OSGIN2: variants seen among roughly 807,000 people sequenced by gnomAD.
The protein encoded by OSGIN2 is oxidative stress induced growth inhibitor family member 2.
A neutral mutation model predicts 53.8 loss-of-function variants in OSGIN2; 19 were observed. The ratio of observed to expected loss-of-function variants is 0.35; its 90% CI spans 0.25 to 0.52. The LOEUF (loss-of-function observed/expected upper bound fraction) is 0.52. Ranked by LOEUF, OSGIN2 falls within the 20% of genes least tolerant of loss-of-function variation. OSGIN2 has a pLI of 0.95. For synonymous variants in OSGIN2, 236 were observed against 236.0 expected, an observed-to-expected ratio of 1.00 and a Z score of 0.00; for missense variants, 520 against 662.7, an observed-to-expected ratio of 0.78 and a Z score of 2.36.
At chr8:89,910,008 ATAT>A (rs1481599471) in intron 2 of OSGIN2, among the ~76,000 whole-genome samples, 6 of 152,114 alleles carry the variant, frequency 3.9e-5, no homozygotes, top group African/African-American at 7.2e-5. Flanking sequence ...TAATGTGATA[ATAT>A]TATTAGAGCT....
At position 89,925,418 on chromosome 8, in the gene OSGIN2, C is replaced by G. The variant is rs754120787; in HGVS notation, c.1536C>G (p.Asp512Glu). ...NLFALGPLVG[D>E]NFVRFLKGGA... is the part of the protein sequence containing the mutation. ...TTGCATTGGGTCCTTTGGTTGGAGA[C>G]AATTTTGTTCGATTTTTAAAGGGAG... Residue 512 changes from aspartate (D) to glutamate (E), a missense_variant, in exon 6 of 6, where the codon GAC (aspartate) becomes GAG (glutamate). Coordinates refer to ENST00000451899, the MANE Select transcript of OSGIN2 (RefSeq NM_001126111.3). The G allele has an allele frequency of 6.2e-7, 1 of 1,613,960 alleles. No individual in the cohort carries two copies. Among genetic ancestry groups the G allele is most frequent in the Non-Finnish European group, 8.5e-7 (1 of 1,179,952 alleles).
At chr8:89,902,055 G>C (rs1263280893), upstream of OSGIN2, 3 of 152,300 alleles carry the variant, frequency 2.0e-5, no homozygotes, top group South Asian at 2.1e-4. Flanking sequence ...ACTGTGATGC[G>C]GGGGTCAGCG....
At chr8:89,907,536 T>C (rs1368332932) in intron 1 of OSGIN2, among the ~76,000 whole-genome samples, 1 of 152,250 alleles carries the variant, frequency 6.6e-6, no homozygotes, top group Non-Finnish European at 1.5e-5. Context: ...TCCCCATTGC[T>C]TATTTTTGTC....
chr8:89,923,078 G>A (rs1361887884), intron 5 of OSGIN2, among the ~76,000 whole-genome samples: 1 of 152,190 alleles, frequency 6.6e-6, no homozygotes, highest in Non-Finnish European at 1.5e-5. Context: ...GCTGGAAGCT[G>A]CTTTGGATGA....
At chr8:89,914,344 C>G in intron 3 of OSGIN2, 131 bp downstream of exon 3, 3 of 704,544 alleles carry the variant, frequency 4.3e-6, no homozygotes, top group Non-Finnish European at 6.9e-6. Context: ...ATTTTAGATT[C>G]GTAAATGTAT....
rs1369240279 is a variant in OSGIN2 at position 89,924,925 on chromosome 8, T to C, written c.1043T>C (p.Val348Ala). The C allele has an allele frequency of 1.2e-6, 2 of 1,614,132 alleles. No homozygotes were observed. Reference sequence around the variant, plus strand: ...AAGTTGCGTGGCAAAGTGGATCCAGTGTTAATTGTAGGTTCTGGGCTTACT... The same window carrying C: ...AAGTTGCGTGGCAAAGTGGATCCAGCGTTAATTGTAGGTTCTGGGCTTACT... ...KGKLRGKVDP[V>A]LIVGSGLTAA... The change falls in exon 6 of 6, where the codon GTG (valine) becomes GCG (alanine). Residue 348 changes from valine to alanine, a missense_variant. By Grantham distance (64) the Val-to-Ala change is moderately conservative. Around this residue, in one of 3 missense-constraint regions of OSGIN2, gnomAD observed 239 missense variants for 328.3 expected, o/e 0.73. Coordinates refer to ENST00000451899, the MANE Select transcript of OSGIN2 (RefSeq NM_001126111.3).
intron 5 of OSGIN2, among the ~76,000 whole-genome samples, chr8:89,921,729 C>A (rs2130712079): frequency 6.6e-6 from 1 of 152,230 alleles, no homozygotes; most frequent in South Asian, 2.1e-4. Context: ...CGCCTGTAAT[C>A]CCAGCATTTT....
Position 89,910,056 on chromosome 8 carries a change from C to A in OSGIN2, c.199+335C>A, listed in dbSNP as rs190755904. Reference sequence around the variant, plus strand: ...ATTCTATGTATATTATTGGATAATACCTTACAACTCTGCAGACTTCTGATG... The same window carrying A: ...ATTCTATGTATATTATTGGATAATAACTTACAACTCTGCAGACTTCTGATG... On this transcript the variant is annotated intron_variant, in intron 2 of 5. Coordinates refer to ENST00000451899, the MANE Select transcript of OSGIN2 (RefSeq NM_001126111.3). Among the ~76,000 whole-genome samples the A allele has an allele frequency of 2.6e-5, 4 of 152,090 alleles. No homozygotes were observed. In the East Asian group the frequency reaches 7.7e-4, roughly 29 times the overall value.
At chr8:89,921,969 ACT>A (rs1239681701) in intron 5 of OSGIN2, among the ~76,000 whole-genome samples, 1 of 145,158 alleles carries the variant, frequency 6.9e-6, no homozygotes, top group African/African-American at 2.5e-5. Flanking sequence ...ACAGAGCAAG[ACT>A]CTGTCTCAAA....
chr8:89,920,789 C>G (rs1229585054), intron 4 of OSGIN2, among the ~76,000 whole-genome samples: 1 of 152,148 alleles, frequency 6.6e-6, no homozygotes, highest in East Asian at 1.9e-4. Context: ...GATCATAGAC[C>G]AAAGTTATCA....
At chr8:89,917,964 A>G (rs994619859) in intron 4 of OSGIN2, among the ~76,000 whole-genome samples, 10 of 152,084 alleles carry the variant, frequency 6.6e-5, no homozygotes, top group African/African-American at 2.4e-4. Context: ...TTCCATCTTT[A>G]AAAAAATTTT....
At chr8:89,902,906 CCCGGGCCGGGA>C in intron 1 of OSGIN2, 69 bp downstream of exon 1, 3 of 1,154,942 alleles carry the variant, frequency 2.6e-6, no homozygotes, top group South Asian at 2.2e-5. Context: ...TTTGGCCTGG[CCCGGGCCGGGA>C]CCGGGGTGGA....
chr8:89,914,136 T>C lies in OSGIN2; in HGVS notation c.259T>C (p.Ser87Pro). The C allele has an allele frequency of 1.2e-6, 2 of 1,605,146 alleles. No homozygotes were observed. The highest frequency in any genetic ancestry group is 8.5e-7 in the Non-Finnish European group (1 of 1,172,202). The change falls in exon 3 of 6, where the codon TCA becomes CCA. Residue 87 changes from serine to proline, a missense_variant. Around this residue, in one of 3 missense-constraint regions of OSGIN2, gnomAD observed 203 missense variants for 275.3 expected, o/e 0.74. Coordinates refer to ENST00000451899, the MANE Select transcript of OSGIN2 (RefSeq NM_001126111.3). ...GTTATCAGGCTACAGACCGTATTTA[T>C]CATCAGAAGCAATACACCCAAATAC... Reference protein sequence around the residue: ...YMLSGYRPYLSSEAIHPNTIL... With the variant: ...YMLSGYRPYLPSEAIHPNTIL...
Position 89,909,550 on chromosome 8 carries a change from C to CCT in OSGIN2, c.45-17_45-16insCT. ...TTGACTATATCTCTTTTTATTCCCC[C>CCT]TTTTTTTTTTTTAAAGAAACTATAG... is the stretch of plus-strand genomic sequence containing the variant. On this transcript the variant is annotated splice_polypyrimidine_tract_variant and intron_variant, in intron 1 of 5. Transcript: ENST00000451899. 1 of 1,072,468 alleles carries CCT rather than the reference C, an allele frequency of 9.3e-7. No individual in the cohort carries two copies. The highest frequency in any genetic ancestry group is 1.3e-6 in the Non-Finnish European group (1 of 785,444). The allele number at this position is 1,072,468 out of a possible 1,614,324, so 66.4% of individuals were successfully genotyped here. A position where few individuals can be genotyped will look rare whatever the true frequency, so the allele number is the denominator to read the frequency against.
chr8:89,903,236 G>A (rs6984959), intron 1 of OSGIN2, among the ~76,000 whole-genome samples: 13,297 of 152,198 alleles, frequency 0.087, 1,814 homozygotes, highest in African/African-American at 0.29. Context: ...AGGAAGGTAG[G>A]GAACTACATT....
chr8:89,917,737 T>C (rs1322811287), intron 4 of OSGIN2, among the ~76,000 whole-genome samples: 1 of 152,180 alleles, frequency 6.6e-6, no homozygotes, highest in African/African-American at 2.4e-5. Flanking sequence ...TTCCACAATT[T>C]CACACTCAAA....
intron 1 of OSGIN2, among the ~76,000 whole-genome samples, chr8:89,909,011 C>CAAAAAAAAA (rs35635974): frequency 7.8e-5 from 3 of 38,394 alleles, no homozygotes; most frequent in African/African-American, 2.7e-4. Context: ...ACCTTGTTTC[C>CAAAAAAAAA]AAAAAAAAAA....
intron 4 of OSGIN2, among the ~76,000 whole-genome samples, chr8:89,917,121 C>G (rs1346643901): frequency 6.6e-6 from 1 of 152,152 alleles, no homozygotes; most frequent in African/African-American, 2.4e-5. Context: ...AATTTTACCT[C>G]TACAAACATG....
intron 4 of OSGIN2, among the ~76,000 whole-genome samples, chr8:89,917,153 C>T (rs1215784920): frequency 6.6e-6 from 1 of 152,168 alleles, no homozygotes; most frequent in Admixed American, 6.5e-5. Context: ...AGATCTTAAC[C>T]TTTTTGTTCC....
Sources: gnomAD v4.1 joint callset for allele counts (sites outside exome capture counted in the v4.1 genomes callset) on GRCh38, gnomAD v4.1.1 for gene constraint, gnomAD v4.1.1 regional missense constraint, MANE v1.5 for transcripts, NCBI Gene and HGNC (gene_info 2026-07-23, HGNC 2026-07-21) for gene names.